KLHL20: variants seen among roughly 807,000 people sequenced by gnomAD.
The protein encoded by KLHL20 is kelch-like protein 20.
Under a neutral mutation model 69.5 loss-of-function variants are expected in KLHL20, and 29 were observed. That is an observed-to-expected ratio of 0.42 (90% CI 0.31 to 0.57). The LOEUF (loss-of-function observed/expected upper bound fraction) is 0.57. Ranked by LOEUF, KLHL20 falls within the 20% of genes least tolerant of loss-of-function variation. The pLI is 0.18. For missense variants in KLHL20, 419 were observed against 776.0 expected, an observed-to-expected ratio of 0.54 and a Z score of 5.47; for synonymous variants, 253 against 265.2, an observed-to-expected ratio of 0.95 and a Z score of 0.45.
chr1:173,769,780 C>CAAA (rs5779440), intron 8 of KLHL20, among the ~76,000 whole-genome samples: 7 of 87,020 alleles, frequency 8.0e-5, no homozygotes, highest in Admixed American at 2.3e-4. Context: ...GACCCTGTCT[C>CAAA]AAAAAAAAAA....
intron 1 of KLHL20, 71 bp from the exon 2 acceptor site, chr1:173,715,932 A>T (rs900134655): frequency 1.8e-6 from 2 of 1,096,900 alleles, no homozygotes; most frequent in Non-Finnish European, 2.7e-6. Context: ...GAGTGAAATG[A>T]TTATATAAAG....
In KLHL20 at chr1:173,756,015, G is replaced by A. The variant is rs189333090; in HGVS notation, c.944G>A (p.Arg315Gln). ...GPRTRPRKPI[R>Q]CGEVLFAVGG... ...AGGACGAGACCACGGAAACCTATCC[G>A]ATGTGGGGAAGTACTCTTTGCAGGT... is the stretch of plus-strand genomic sequence containing the variant. The change falls in exon 6 of 12, where the codon CGA (arginine) becomes CAA (glutamine). Residue 315 changes from arginine (R) to glutamine (Q), a missense_variant. Transcript: ENST00000209884. 15 of 1,613,632 alleles carry A rather than the reference G, an allele frequency of 9.3e-6. No homozygotes were observed. The East Asian group carries it at 1.6e-4, about 17-fold the overall frequency.
At chr1:173,743,586 A>G (rs1672931035) in intron 3 of KLHL20, among the ~76,000 whole-genome samples, 2 of 151,890 alleles carry the variant, frequency 1.3e-5, no homozygotes, top group African/African-American at 2.4e-5. Flanking sequence ...TATAAGAAAG[A>G]ATTTTTCTTA....
chr1:173,779,109 T>C (rs1367038182), intron 10 of KLHL20, among the ~76,000 whole-genome samples: 5 of 152,116 alleles, frequency 3.3e-5, no homozygotes. Context: ...TCACTTTATG[T>C]CCAAAACCGC....
At chr1:173,773,935 C>T (rs1204799128) in intron 8 of KLHL20, among the ~76,000 whole-genome samples, 2 of 150,344 alleles carry the variant, frequency 1.3e-5, no homozygotes, top group African/African-American at 4.9e-5. Context: ...ATGGCGTGAA[C>T]CCAGGAGGCG....
At chr1:173,735,248 C>G (rs1020284074) in intron 3 of KLHL20, among the ~76,000 whole-genome samples, 1 of 152,132 alleles carries the variant, frequency 6.6e-6, no homozygotes, top group South Asian at 2.1e-4. Flanking sequence ...GAGTTCAACA[C>G]TAGCCTGGGC....
intron 2 of KLHL20, among the ~76,000 whole-genome samples, chr1:173,724,248 C>G (rs1327876706): frequency 1.3e-5 from 2 of 151,630 alleles, no homozygotes; most frequent in Non-Finnish European, 2.9e-5. Context: ...TAAGGGATCC[C>G]CCCGCCTCAA....
intron 3 of KLHL20, among the ~76,000 whole-genome samples, chr1:173,740,123 C>CTT (rs377138582): frequency 3.3e-5 from 4 of 122,234 alleles, no homozygotes; most frequent in African/African-American, 6.1e-5. Flanking sequence ...TTTCTTTTTT[C>CTT]TTTTTTTTTT....
At chr1:173,743,549 AAAC>A (rs1672927530) in intron 3 of KLHL20, among the ~76,000 whole-genome samples, 2 of 151,930 alleles carry the variant, frequency 1.3e-5, no homozygotes, top group South Asian at 4.1e-4. Flanking sequence ...AAAAAAAAAA[AAAC>A]TCCATTTTCT....
Position 173,775,678 on chromosome 1 carries a change from C to T in KLHL20, c.1474C>T (p.Pro492Ser). The change falls in exon 10 of 12, where the codon CCT (proline) becomes TCT (serine). Residue 492 changes from proline to serine, a missense_variant. This residue lies in a region of KLHL20 where 56 missense variants were observed against 75.9 expected (regional missense o/e 0.74). Coordinates refer to ENST00000209884, the MANE Select transcript of KLHL20 (RefSeq NM_014458.4). ...GGAAAACAGATGGCACACTATAGCC[C>T]CTATGGGGACCCGGAGGAAACACCT... The part of the protein sequence containing the change: ...PQENRWHTIA[P>S]MGTRRKHLGC... 1 of 1,614,164 alleles carries T rather than the reference C, an allele frequency of 6.2e-7. No homozygotes were observed. Among genetic ancestry groups the T allele is most frequent in the Non-Finnish European group, 8.5e-7 (1 of 1,180,026 alleles).
intron 3 of KLHL20, among the ~76,000 whole-genome samples, chr1:173,738,923 A>T (rs907952418): frequency 3.9e-5 from 6 of 152,070 alleles, no homozygotes; most frequent in African/African-American, 1.4e-4. Context: ...TTTTGCATCT[A>T]TGTTCATCAG....
At position 173,724,416 on chromosome 1, in the gene KLHL20, T is replaced by C. The variant is rs538394722; in HGVS notation, c.23+8350T>C. ...TGCTTCTTTATATTACTTAGAATTT[T>C]CCACAGTCTATAGCAAAATGCTTTG... On this transcript the variant is annotated intron_variant, in intron 2 of 11. Coordinates refer to ENST00000209884, the MANE Select transcript of KLHL20 (RefSeq NM_014458.4). 2.6e-5 allele frequency among the ~76,000 whole-genome samples: 4 copies of C among 152,312 alleles called. No homozygotes were observed. In the East Asian group the frequency reaches 7.7e-4, roughly 29 times the overall value.
intron 3 of KLHL20, among the ~76,000 whole-genome samples, chr1:173,738,965 A>T (rs552457368): frequency 1.3e-5 from 2 of 151,990 alleles, no homozygotes; most frequent in South Asian, 4.2e-4. Context: ...TTTCTTTGTT[A>T]TGTTCTTTCC....
intron 3 of KLHL20, among the ~76,000 whole-genome samples, chr1:173,747,985 A>C (rs1673142423): frequency 6.6e-6 from 1 of 151,968 alleles, no homozygotes; most frequent in Non-Finnish European, 1.5e-5. Flanking sequence ...ATGAAAGAGA[A>C]GATATCACTA....
At chr1:173,776,003 G>A (rs1648441219) in intron 10 of KLHL20, among the ~76,000 whole-genome samples, 161 bp downstream of exon 10, 1 of 152,080 alleles carries the variant, frequency 6.6e-6, no homozygotes, top group South Asian at 2.1e-4. Context: ...TCTATTTTTA[G>A]TTTTTTGAGG....
chr1:173,750,057 G>A (rs574230322), intron 3 of KLHL20, among the ~76,000 whole-genome samples: 44 of 151,866 alleles, frequency 2.9e-4, no homozygotes, highest in Admixed American at 1.4e-3. Flanking sequence ...AAACTAAGCC[G>A]CCCTACCACA....
rs186725133 is a variant in KLHL20, at chr1:173,719,613, G to A, written c.23+3547G>A. ...CAGCCTGATGAAAGCATAAGAATCC[G>A]TCTCAAAAAAAAAAAAGAATAAATT... is the stretch of plus-strand genomic sequence containing the variant. On this transcript the variant is annotated intron_variant, in intron 2 of 11. Transcript: ENST00000209884. 1.5e-4 allele frequency among the ~76,000 whole-genome samples: 23 copies of A among 149,130 alleles called. No homozygotes were observed. In the East Asian group the frequency reaches 3.2e-3, roughly 21 times the overall value.
At chr1:173,717,010 C>T (rs887085144) in intron 2 of KLHL20, among the ~76,000 whole-genome samples, 4 of 152,132 alleles carry the variant, frequency 2.6e-5, no homozygotes, top group Admixed American at 6.5e-5. Flanking sequence ...GCTTTAAGAT[C>T]TCCAGATGAA....
intron 11 of KLHL20, among the ~76,000 whole-genome samples, chr1:173,783,983 G>A (rs888856610): frequency 1.3e-5 from 2 of 152,132 alleles, no homozygotes; most frequent in Admixed American, 1.3e-4. Flanking sequence ...GGAGGCTGAG[G>A]CATGAGAATC....
Sources: allele counts gnomAD v4.1 joint callset (sites outside exome capture counted in the v4.1 genomes callset), GRCh38; gene constraint gnomAD v4.1.1; regional missense constraint gnomAD v4.1.1; transcripts MANE v1.5; gene names NCBI Gene and HGNC (gene_info 2026-07-23, HGNC 2026-07-21).